CERS3: variants seen among roughly 807,000 people sequenced by gnomAD.
CERS3 encodes the protein LAG1 homolog, ceramide synthase 3.
CERS3 carries 33 observed loss-of-function variants against 50.3 expected under a neutral mutation model. The observed-to-expected ratio is 0.66, with a 90% confidence interval of 0.50 to 0.88. The LOEUF (loss-of-function observed/expected upper bound fraction) is 0.88. CERS3 is among the 40% of genes least tolerant of loss of function. The pLI is 0.00. For synonymous variants in CERS3, 176 were observed against 155.2 expected (o/e 1.13, Z -0.99); for missense variants, 470 against 460.3 (o/e 1.02, Z -0.19).
At chr15:100,509,228 G>C (rs1402350687) in intron 2 of CERS3, among the ~76,000 whole-genome samples, 1 of 152,094 alleles carries the variant, frequency 6.6e-6, no homozygotes, top group Non-Finnish European at 1.5e-5. Context: ...CATTCCATTC[G>C]AACTTAGGAT....
chr15:100,500,136 T>G (rs113066284), intron 3 of CERS3: 8 of 152,338 alleles, frequency 5.3e-5, no homozygotes, highest in African/African-American at 1.9e-4. Flanking sequence ...TCAAAAAGTA[T>G]GACCTCTCTC....
At chr15:100,526,902 C>T (rs2036811639) in intron 1 of CERS3, among the ~76,000 whole-genome samples, 1 of 152,112 alleles carries the variant, frequency 6.6e-6, no homozygotes, top group African/African-American at 2.4e-5. Flanking sequence ...CTATGGAAGG[C>T]ATTTGACATA....
At chr15:100,423,758 G>T (rs2032621034) in intron 11 of CERS3, among the ~76,000 whole-genome samples, 1 of 151,972 alleles carries the variant, frequency 6.6e-6, no homozygotes, top group South Asian at 2.1e-4. Flanking sequence ...TAAAACAAAA[G>T]TTGAAAAAGA....
intron 11 of CERS3, among the ~76,000 whole-genome samples, chr15:100,412,992 T>C (rs1242806010): frequency 6.6e-6 from 1 of 152,160 alleles, no homozygotes; most frequent in Non-Finnish European, 1.5e-5. Flanking sequence ...GATTATACCA[T>C]GTGACTTTTG....
At chr15:100,441,367 C>G (rs530068542) in intron 11 of CERS3, among the ~76,000 whole-genome samples, 4 of 151,662 alleles carry the variant, frequency 2.6e-5, no homozygotes, top group Admixed American at 2.6e-4. Flanking sequence ...CTTATCTCTG[C>G]ACCCCAATCC....
chr15:100,418,238 G>T (rs1280567492), intron 11 of CERS3, among the ~76,000 whole-genome samples: 1 of 152,122 alleles, frequency 6.6e-6, no homozygotes, highest in Non-Finnish European at 1.5e-5. Context: ...GGGCTTAAAG[G>T]AGCTGATGGA....
At chr15:100,503,906 TG>T (rs2036086287) in intron 2 of CERS3, 1 of 362,690 alleles carries the variant, frequency 2.8e-6, no homozygotes, top group Non-Finnish European at 5.5e-6. Context: ...GTGAGATTGA[TG>T]GGGAAGAAAG....
chr15:100,532,378 A>G (rs867159334), upstream of CERS3, among the ~76,000 whole-genome samples: 1 of 152,192 alleles, frequency 6.6e-6, no homozygotes, highest in Non-Finnish European at 1.5e-5. Context: ...TTGAGATTTT[A>G]CTATCAACAA....
At chr15:100,444,446 C>CTTCT (rs2033846312) in intron 11 of CERS3, among the ~76,000 whole-genome samples, 1 of 152,282 alleles carries the variant, frequency 6.6e-6, no homozygotes, top group East Asian at 1.9e-4. Context: ...CCCACATTTC[C>CTTCT]TTCTTCCCTG....
chr15:100,488,716 A>G (rs1325498909), intron 4 of CERS3, among the ~76,000 whole-genome samples: 2 of 151,992 alleles, frequency 1.3e-5, no homozygotes, highest in African/African-American at 4.8e-5. Flanking sequence ...TAATTTAGGA[A>G]TCTTATATTC....
At chr15:100,440,630 G>C (rs1018836879) in intron 11 of CERS3, among the ~76,000 whole-genome samples, 7 of 152,184 alleles carry the variant, frequency 4.6e-5, no homozygotes, top group South Asian at 4.1e-4. Context: ...TGACTGGAGG[G>C]GGGGAACCTC....
intron 1 of CERS3, among the ~76,000 whole-genome samples, chr15:100,539,668 C>T (rs1032118072): frequency 2.0e-5 from 3 of 152,048 alleles, no homozygotes; most frequent in Admixed American, 1.3e-4. Flanking sequence ...GTCTTTCCCT[C>T]GACACATGTG....
chr15:100,402,573 G>T lies in CERS3; in HGVS notation c.*140C>A. ...TTTAACACAAGTTAACAACATTTTG[G>T]TAAACACATCTTAGGTGGGAGGGAA... is the stretch of plus-strand genomic sequence containing the variant. On this transcript the variant is annotated 3_prime_UTR_variant, in exon 12 of 12. Transcript: ENST00000679737. 1.3e-6 allele frequency: 1 copy of T among 763,096 alleles called. No homozygotes were observed. The highest frequency in any genetic ancestry group is 2.1e-6 in the Non-Finnish European group (1 of 482,974). 47.3% of individuals were successfully genotyped at this position (763,096 alleles called of 1,614,324 possible).
Position 100,507,227 on chromosome 15 carries a change from A to G in CERS3, c.-1-5377T>C, listed in dbSNP as rs111822117. Among the ~76,000 whole-genome samples, 486 of 152,338 alleles carry G rather than the reference A, an allele frequency of 3.2e-3. 3 individuals carry two copies. Among genetic ancestry groups the G allele is most frequent in the African/African-American group, 0.011 (454 of 41,584 alleles). Reference sequence around the variant, plus strand: ...GGAAGAAAAAAACAGTATGCTTTAAAAAGCAAAATTGAACTCTCCTGAAGA... The same window carrying G: ...GGAAGAAAAAAACAGTATGCTTTAAGAAGCAAAATTGAACTCTCCTGAAGA... On this transcript the variant is annotated intron_variant, in intron 2 of 11. Transcript: ENST00000679737.
intron 11 of CERS3, among the ~76,000 whole-genome samples, chr15:100,455,031 T>A (rs2034314325): frequency 6.6e-6 from 1 of 152,036 alleles, no homozygotes; most frequent in Admixed American, 6.6e-5. Flanking sequence ...AAAACTACAA[T>A]GAGATATCAT....
chr15:100,518,038 C>A (rs556479248), intron 2 of CERS3, among the ~76,000 whole-genome samples: 51 of 152,338 alleles, frequency 3.3e-4, no homozygotes, highest in African/African-American at 1.2e-3. Flanking sequence ...CTGGCCAGGG[C>A]AGCTGCTCCC....
rs1436564336 is a variant in CERS3, at chr15:100,420,890, T to C, written c.1000-18025A>G. Among the ~76,000 whole-genome samples the C allele has an allele frequency of 3.1e-4, 46 of 150,370 alleles. 1 individual carries two copies. Among genetic ancestry groups the C allele is most frequent in the Admixed American group, 5.3e-4 (8 of 15,002 alleles). Reference sequence around the variant, plus strand: ...TTTGACAAAATTCAACAACCCTTCATGCTAAAAACTCTCAATAAATTAGGT... The same window carrying C: ...TTTGACAAAATTCAACAACCCTTCACGCTAAAAACTCTCAATAAATTAGGT... On this transcript the variant is annotated intron_variant, in intron 11 of 11. Coordinates refer to ENST00000679737, the MANE Select transcript of CERS3 (RefSeq NM_001378789.1).
intron 1 of CERS3, among the ~76,000 whole-genome samples, chr15:100,538,609 C>T (rs2037128605): frequency 6.6e-6 from 1 of 152,226 alleles, no homozygotes; most frequent in Non-Finnish European, 1.5e-5. Flanking sequence ...ATGCAGGGCA[C>T]CAAGTCCTGA....
At chr15:100,475,274 C>T (rs1029127093) in intron 8 of CERS3, among the ~76,000 whole-genome samples, 1 of 152,206 alleles carries the variant, frequency 6.6e-6, no homozygotes, top group Non-Finnish European at 1.5e-5. Flanking sequence ...GTCCAGTTGA[C>T]TGCAGTGTGT....
Sources: gnomAD v4.1 joint callset for allele counts (sites outside exome capture counted in the v4.1 genomes callset) on GRCh38, gnomAD v4.1.1 for gene constraint, MANE v1.5 for transcripts, NCBI Gene and HGNC (gene_info 2026-07-23, HGNC 2026-07-21) for gene names.